KCNH8: variants seen among roughly 807,000 people sequenced by gnomAD.
The protein encoded by KCNH8 is potassium voltage-gated channel subfamily H member 8.
Under a neutral mutation model 103.6 loss-of-function variants are expected in KCNH8, and 70 were observed. The ratio of observed to expected loss-of-function variants is 0.68; its 90% CI spans 0.56 to 0.82. KCNH8 has a LOEUF of 0.82. Ranked by LOEUF, KCNH8 falls within the 40% of genes least tolerant of loss-of-function variation. The probability of loss-of-function intolerance (pLI) is 0.00; values close to 1 mark genes in which losing one functional copy is unlikely to be tolerated. For missense variants in KCNH8, 1,217 were observed against 1,329.9 expected, an observed-to-expected ratio of 0.92 and a Z score of 1.32; for synonymous variants, 498 against 489.4, an observed-to-expected ratio of 1.02 and a Z score of -0.23.
intron 3 of KCNH8, among the ~76,000 whole-genome samples, chr3:19,334,150 C>A (rs2065549924): frequency 6.6e-6 from 1 of 152,204 alleles, no homozygotes; most frequent in Admixed American, 6.5e-5. Context: ...GCAGGATATT[C>A]TGGGAAGAGT....
At chr3:19,153,165 A>T (rs1440927846) in intron 1 of KCNH8, among the ~76,000 whole-genome samples, 5 of 152,178 alleles carry the variant, frequency 3.3e-5, no homozygotes, top group Admixed American at 3.3e-4. Context: ...GGTTCTGATA[A>T]CTTCACTACA....
rs199851831 is a variant in KCNH8 at position 19,533,702 on chromosome 3, A to T, written c.2927A>T (p.His976Leu). 5.6e-6 allele frequency: 9 copies of T among 1,614,024 alleles called. No homozygotes were observed. Among genetic ancestry groups the T allele is most frequent in the African/African-American group, 1.3e-5 (1 of 74,950 alleles). ...AGCAGCCCCCAACGAACTGGAGCTC[A>T]TGAGCAAAATCCTGCAGACAGTGAA... ...VGSSPQRTGA[H>L]EQNPADSELY... Residue 976 changes from histidine to leucine, a missense_variant, in exon 16 of 16, where the codon CAT (histidine) becomes CTT (leucine). Physicochemically the swap from His to Leu is moderately conservative, Grantham distance 99. Coordinates refer to ENST00000328405, the MANE Select transcript of KCNH8 (RefSeq NM_144633.3).
chr3:19,532,556 T>A (rs969661923), intron 15 of KCNH8, among the ~76,000 whole-genome samples: 4 of 152,206 alleles, frequency 2.6e-5, no homozygotes, highest in Non-Finnish European at 4.4e-5. Context: ...AGACCTACCA[T>A]TCACTAGGTG....
At chr3:19,285,309 G>A (rs1379803437) in intron 3 of KCNH8, among the ~76,000 whole-genome samples, 2 of 152,118 alleles carry the variant, frequency 1.3e-5, no homozygotes, top group African/African-American at 2.4e-5. Flanking sequence ...GAGACAATAT[G>A]CTTGGAGACA....
At position 19,456,916 on chromosome 3, in the gene KCNH8, T is replaced by C. The variant is rs760594162; in HGVS notation, c.1974T>C (p.Ala658=). ...FEVLDLYPEY[A]HKFVEDIQHD... ...TGCTAGACCTTTACCCAGAATATGC[T>C]CACAAATTCGTGGAAGACATTCAGC... Residue 658 remains alanine (A), a synonymous_variant, in exon 11 of 16, where the codon GCT becomes GCC. Transcript: ENST00000328405. 1 of 1,612,412 alleles carries C rather than the reference T, an allele frequency of 6.2e-7. No individual in the cohort carries two copies. Among genetic ancestry groups the C allele is most frequent in the African/African-American group, 1.3e-5 (1 of 74,790 alleles).
chr3:19,235,793 A>G (rs2064057574), intron 1 of KCNH8, among the ~76,000 whole-genome samples: 1 of 152,204 alleles, frequency 6.6e-6, no homozygotes, highest in Non-Finnish European at 1.5e-5. Context: ...TTCTGAGTGA[A>G]AGACATCCTA....
intron 5 of KCNH8, among the ~76,000 whole-genome samples, chr3:19,381,573 G>C (rs956875476): frequency 2.0e-5 from 3 of 152,036 alleles, no homozygotes; most frequent in African/African-American, 7.2e-5. Flanking sequence ...ATTTTCCTTA[G>C]ACAAAAGTTC....
chr3:19,279,624 C>T (rs556945658), intron 2 of KCNH8, among the ~76,000 whole-genome samples: 1 of 150,540 alleles, frequency 6.6e-6, no homozygotes, highest in African/African-American at 2.4e-5. Context: ...TGGGAGAATA[C>T]AGAGGAACGA....
intron 2 of KCNH8, among the ~76,000 whole-genome samples, chr3:19,262,725 G>A (rs12108002): frequency 0.086 from 13,121 of 152,014 alleles, 1,815 homozygotes; most frequent in African/African-American, 0.29. Flanking sequence ...AGTTCCTAGC[G>A]TGGACGACAC....
At chr3:19,287,507 A>G (rs1451049239) in intron 3 of KCNH8, among the ~76,000 whole-genome samples, 1 of 152,188 alleles carries the variant, frequency 6.6e-6, no homozygotes, top group African/African-American at 2.4e-5. Flanking sequence ...CTCTTAGCTC[A>G]AGTAAGTAGA....
chr3:19,411,640 C>A (rs2066780864), intron 7 of KCNH8, among the ~76,000 whole-genome samples: 1 of 151,978 alleles, frequency 6.6e-6, no homozygotes, highest in Non-Finnish European at 1.5e-5. Flanking sequence ...ACTCCTGAAA[C>A]TGATAAACAA....
intron 7 of KCNH8, among the ~76,000 whole-genome samples, chr3:19,435,708 A>G (rs1333445658): frequency 6.6e-6 from 1 of 152,228 alleles, no homozygotes; most frequent in Non-Finnish European, 1.5e-5. Context: ...ATCTGATTTA[A>G]CAAGCTTATC....
chr3:19,207,017 C>A (rs994661777), intron 1 of KCNH8, among the ~76,000 whole-genome samples: 2 of 151,758 alleles, frequency 1.3e-5, no homozygotes, highest in African/African-American at 4.8e-5. Flanking sequence ...GTCTGGCAGT[C>A]AGTGGAAAAT....
chr3:19,321,595 T>C (rs2065350941), intron 3 of KCNH8, among the ~76,000 whole-genome samples: 2 of 152,074 alleles, frequency 1.3e-5, no homozygotes, highest in South Asian at 4.1e-4. Flanking sequence ...TCTTGTGACC[T>C]ATCATATGGT....
chr3:19,317,423 TAAAGAC>T (rs1195312217), intron 3 of KCNH8, among the ~76,000 whole-genome samples: 1 of 151,952 alleles, frequency 6.6e-6, no homozygotes, highest in Non-Finnish European at 1.5e-5. Flanking sequence ...ACCTGCATGA[TAAAGAC>T]AAAGAGAAAA....
chr3:19,157,008 TTAAG>T (rs1022495783), intron 1 of KCNH8, among the ~76,000 whole-genome samples: 1 of 151,850 alleles, frequency 6.6e-6, no homozygotes, highest in Non-Finnish European at 1.5e-5. Flanking sequence ...TTTTGTTCTA[TTAAG>T]TATTTTGGAC....
In KCNH8 at chr3:19,281,106, T is replaced by C. The variant is rs533062220; in HGVS notation, c.311-92T>C. 5.6e-5 allele frequency: 77 copies of C among 1,373,430 alleles called. No homozygotes were observed. In the South Asian group the frequency reaches 9.2e-4, roughly 16 times the overall value. 85.1% of individuals were successfully genotyped at this position (1,373,430 alleles called of 1,614,324 possible). ...GGAGTTGTGGGATTGAAGAAAACAC[T>C]AAGGGCTTTATTTTTTATTGATGAT... On this transcript the variant is annotated intron_variant, in intron 2 of 15. Transcript: ENST00000328405.
chr3:19,311,201 CATTG>C (rs1173522533), intron 3 of KCNH8, among the ~76,000 whole-genome samples: 1 of 151,716 alleles, frequency 6.6e-6, no homozygotes, highest in African/African-American at 2.4e-5. Context: ...TGACAACTAA[CATTG>C]ATTGAGTAGT....
intron 1 of KCNH8, among the ~76,000 whole-genome samples, chr3:19,169,384 G>A (rs1255537846): frequency 6.7e-6 from 1 of 149,486 alleles, no homozygotes; most frequent in Non-Finnish European, 1.5e-5. Context: ...TCAGCCTCCC[G>A]AGTACCTGGG....
Sources: gnomAD v4.1 joint callset for allele counts (sites outside exome capture counted in the v4.1 genomes callset) on GRCh38, gnomAD v4.1.1 for gene constraint, MANE v1.5 for transcripts, NCBI Gene and HGNC (gene_info 2026-07-23, HGNC 2026-07-21) for gene names.